The following ARHGAP32 variants were observed in gnomAD, a reference collection of about 807,000 sequenced individuals.
ARHGAP32 encodes the protein Rho GTPase activating protein 32, also known as rho GTPase-activating protein 32.
A neutral mutation model predicts 186.5 loss-of-function variants in ARHGAP32; 51 were observed. That is an observed-to-expected ratio of 0.27 (90% CI 0.22 to 0.35). The LOEUF is 0.35. Ranked by LOEUF, ARHGAP32 falls within the 10% of genes least tolerant of loss-of-function variation. The pLI is 1.00. For missense variants in ARHGAP32, 2,186 were observed against 2,623.5 expected (o/e 0.83, Z 3.64); for synonymous variants, 950 against 964.3 (o/e 0.99, Z 0.27).
intron 1 of ARHGAP32, among the ~76,000 whole-genome samples, chr11:129,257,008 G>A (rs1477382565): frequency 6.6e-6 from 1 of 152,100 alleles, no homozygotes; most frequent in African/African-American, 2.4e-5. Context: ...CAAAAGCTTC[G>A]TCTAGAAATT....
intron 11 of ARHGAP32, among the ~76,000 whole-genome samples, chr11:129,035,739 G>A (rs1939303984): frequency 6.6e-6 from 1 of 151,974 alleles, no homozygotes; most frequent in African/African-American, 2.4e-5. Flanking sequence ...AGCTACTCAG[G>A]AGGCAGAGGC....
chr11:129,246,654 GC>G (rs1469884785), intron 1 of ARHGAP32, among the ~76,000 whole-genome samples: 2 of 152,156 alleles, frequency 1.3e-5, no homozygotes, highest in Non-Finnish European at 2.9e-5. Flanking sequence ...CTCTCCCATA[GC>G]AGTAGACTAT....
intron 1 of ARHGAP32, among the ~76,000 whole-genome samples, chr11:129,242,652 A>G (rs549810128): frequency 6.6e-6 from 1 of 151,440 alleles, no homozygotes; most frequent in East Asian, 1.9e-4. Context: ...CGGGAGGTGG[A>G]GCTTGCAGTG....
At chr11:129,093,067 T>C (rs1372540672) in intron 6 of ARHGAP32, among the ~76,000 whole-genome samples, 3 of 151,918 alleles carry the variant, frequency 2.0e-5, no homozygotes, top group Non-Finnish European at 4.4e-5. Flanking sequence ...AGTCAAGAAA[T>C]AACAAGCTAC....
intron 1 of ARHGAP32, among the ~76,000 whole-genome samples, chr11:129,234,407 T>C (rs954561022): frequency 5.9e-5 from 9 of 152,134 alleles, no homozygotes; most frequent in South Asian, 2.1e-4. Context: ...TAGTCTACTA[T>C]ATATTTTTCC....
In ARHGAP32 at chr11:128,974,774, T is replaced by A; in HGVS notation, c.2423A>T (p.Asp808Val). The change falls in exon 21 of 23, where the codon GAT becomes GTT. Residue 808 changes from aspartate (D) to valine (V), a missense_variant. Around this residue, in one of 5 missense-constraint regions of ARHGAP32, gnomAD observed 263 missense variants for 323.5 expected, o/e 0.81. Coordinates refer to ENST00000682385, the MANE Select transcript of ARHGAP32 (RefSeq NM_001378024.1). The part of the protein sequence containing the change: ...SPPDIGVASL[D>V]FDPMSFQCSP... ...ACATTGAAATGACATTGGATCAAAA[T>A]CCAGGCTGGCTACTCCAATGTCTGG... is the stretch of plus-strand genomic sequence containing the variant. The A allele has an allele frequency of 6.2e-7, 1 of 1,614,118 alleles. No homozygotes were observed. Among genetic ancestry groups the A allele is most frequent in the Non-Finnish European group, 8.5e-7 (1 of 1,180,012 alleles).
At chr11:129,273,432 G>T (rs909676885) in intron 1 of ARHGAP32, among the ~76,000 whole-genome samples, 1 of 152,158 alleles carries the variant, frequency 6.6e-6, no homozygotes, top group Non-Finnish European at 1.5e-5. Context: ...TTCTCCTTAG[G>T]TAGGTCAATG....
At chr11:129,188,282 T>C (rs371155915) in intron 1 of ARHGAP32, among the ~76,000 whole-genome samples, 1 of 152,160 alleles carries the variant, frequency 6.6e-6, no homozygotes, top group Non-Finnish European at 1.5e-5. Context: ...ACTACCTCTC[T>C]GTACTTCCAG....
intron 1 of ARHGAP32, among the ~76,000 whole-genome samples, chr11:129,266,742 C>CA (rs1945405645): frequency 6.6e-6 from 1 of 152,170 alleles, no homozygotes; most frequent in East Asian, 1.9e-4. Flanking sequence ...GAGGGCCTTG[C>CA]ACTGGCCTTC....
At chr11:129,228,246 T>C (rs1304516425) in intron 1 of ARHGAP32, among the ~76,000 whole-genome samples, 1 of 152,132 alleles carries the variant, frequency 6.6e-6, no homozygotes, top group Non-Finnish European at 1.5e-5. Context: ...AATGTATAGC[T>C]GTAAATGCCT....
At chr11:129,264,537 G>A (rs11221626) in intron 1 of ARHGAP32, among the ~76,000 whole-genome samples, 30,800 of 152,054 alleles carry the variant, frequency 0.2, 3,261 homozygotes, top group East Asian at 0.25. Context: ...AACAGTAGCT[G>A]TTGGTAATAT....
chr11:129,262,516 T>G (rs1945337189), intron 1 of ARHGAP32, among the ~76,000 whole-genome samples: 1 of 152,108 alleles, frequency 6.6e-6, no homozygotes, highest in Non-Finnish European at 1.5e-5. Flanking sequence ...CCCTAGTAGC[T>G]GGGATTACAG....
At chr11:129,080,737 A>G (rs1941194767) in intron 6 of ARHGAP32, among the ~76,000 whole-genome samples, 1 of 152,088 alleles carries the variant, frequency 6.6e-6, no homozygotes, top group Non-Finnish European at 1.5e-5. Context: ...AGCAGAAGAA[A>G]AGAAATAACC....
chr11:129,120,436 T>A lies in ARHGAP32; in HGVS notation c.444+3010A>T, dbSNP rs139054131. The stretch of plus-strand genomic sequence containing the variant: ...ACAAGGCTGGAATTCAAAGAAGAGA[T>A]CATAAAATTGTCCTTTGTACATTAC... On this transcript the variant is annotated intron_variant, in intron 5 of 22. Transcript: ENST00000682385. 3.0e-3 allele frequency among the ~76,000 whole-genome samples: 459 copies of A among 152,114 alleles called. 8 individuals carry two copies. Among genetic ancestry groups the A allele is most frequent in the African/African-American group, 0.011 (440 of 41,496 alleles).
intron 14 of ARHGAP32, 61 bp from the exon 15 acceptor site, chr11:128,986,146 T>C (rs573156169): frequency 1.5e-6 from 2 of 1,315,244 alleles, no homozygotes; most frequent in South Asian, 2.7e-5. Context: ...GAAAGTTCAC[T>C]TACAATTCAG....
chr11:129,088,631 G>A (rs182589414), intron 6 of ARHGAP32, among the ~76,000 whole-genome samples: 1 of 152,082 alleles, frequency 6.6e-6, no homozygotes, highest in Non-Finnish European at 1.5e-5. Flanking sequence ...TTTCCAAACA[G>A]ACTGAATAAA....
intron 1 of ARHGAP32, among the ~76,000 whole-genome samples, chr11:129,212,799 C>G (rs1944597252): frequency 6.6e-6 from 1 of 151,596 alleles, no homozygotes; most frequent in African/African-American, 2.4e-5. Flanking sequence ...ATGCATGTAT[C>G]AAAATATCAC....
In ARHGAP32 at chr11:128,969,988, C is replaced by G. The variant is rs770519598; in HGVS notation, c.5225G>C (p.Ser1742Thr). ...CTTCACATCAGCAGCCGGAGGCATG[C>G]TGACTACATTATGGTCGTTGGGAGA... ...YFSPNDHNVV[S>T]MPPAADVKHT... Residue 1742 changes from serine (S) to threonine (T), a missense_variant, in exon 23 of 23, where the codon AGC becomes ACC. This residue lies in a region of ARHGAP32 where 1,502 missense variants were observed against 1,570.0 expected (regional missense o/e 0.96). Transcript: ENST00000682385. The surrounding 1 kb of genome is among the most constrained non-coding windows in gnomAD (Gnocchi z 4.8). 6.2e-7 allele frequency: 1 copy of G among 1,614,216 alleles called. No homozygotes were observed. The highest frequency in any genetic ancestry group is 1.7e-5 in the Admixed American group (1 of 60,034).
intron 2 of ARHGAP32, among the ~76,000 whole-genome samples, chr11:129,130,479 G>A (rs1942785454): frequency 6.6e-6 from 1 of 151,078 alleles, no homozygotes. Context: ...TACAAACAAG[G>A]AAGTTATACT....
Sources: allele counts gnomAD v4.1 joint callset (sites outside exome capture counted in the v4.1 genomes callset), GRCh38; gene constraint gnomAD v4.1.1; regional missense constraint gnomAD v4.1.1; non-coding constraint Gnocchi (gnomAD v3.1); transcripts MANE v1.5; gene names NCBI Gene and HGNC (gene_info 2026-07-23, HGNC 2026-07-21).